Variants in AFAP1L2 observed in about 807,000 individuals in gnomAD.
AFAP1L2 encodes actin filament associated protein 1 like 2.
A neutral mutation model predicts 99.3 loss-of-function variants in AFAP1L2; 46 were observed. That is an observed-to-expected ratio of 0.46 (90% CI 0.37 to 0.59). The LOEUF is 0.59. AFAP1L2 is among the 20% of genes least tolerant of loss of function. AFAP1L2 has a pLI of 0.00. For synonymous variants in AFAP1L2, 397 were observed against 419.1 expected (o/e 0.95, Z 0.64); for missense variants, 959 against 1,034.9 (o/e 0.93, Z 1.01).
intron 10 of AFAP1L2, among the ~76,000 whole-genome samples, chr10:114,306,362 T>TCCAGGAGGGTAC: frequency 2.6e-5 from 1 of 38,658 alleles, no homozygotes; most frequent in Admixed American, 2.9e-4. Flanking sequence ...CAGGAGGGGA[T>TCCAGGAGGGTAC]GCGGGGGCAG....
intron 13 of AFAP1L2, 60 bp from the exon 14 acceptor site, chr10:114,300,750 G>T (rs901584769): frequency 9.8e-6 from 15 of 1,530,988 alleles, no homozygotes; most frequent in South Asian, 1.3e-5. Flanking sequence ...AGCTGTGGAG[G>T]GGGTACCAGC....
intron 10 of AFAP1L2, among the ~76,000 whole-genome samples, chr10:114,305,381 G>T (rs1412257216): frequency 5.5e-5 from 7 of 127,652 alleles, no homozygotes; most frequent in Non-Finnish European, 8.2e-5. Flanking sequence ...GCAGGAGAGA[G>T]CGGGGCTGCA....
intron 1 of AFAP1L2, among the ~76,000 whole-genome samples, chr10:114,380,614 A>G (rs1173487827): frequency 3.3e-5 from 5 of 152,244 alleles, no homozygotes; most frequent in Non-Finnish European, 5.9e-5. Flanking sequence ...GAGGGAACAT[A>G]TCATAAAGCC....
intron 2 of AFAP1L2, among the ~76,000 whole-genome samples, chr10:114,336,037 G>A (rs2047922852): frequency 6.6e-6 from 1 of 152,180 alleles, no homozygotes; most frequent in Non-Finnish European, 1.5e-5. Context: ...TTAAATGTTG[G>A]ATTCTGAGCA....
chr10:114,375,575 A>G (rs1290366322), intron 1 of AFAP1L2, among the ~76,000 whole-genome samples: 1 of 152,216 alleles, frequency 6.6e-6, no homozygotes, highest in Non-Finnish European at 1.5e-5. Context: ...GTTCAACATT[A>G]GCATTTCCTA....
the AFAP1L2 span, chr10:114,282,684 G>A: frequency 1.1e-6 from 1 of 898,734 alleles, no homozygotes; most frequent in African/African-American, 1.6e-5. Context: ...CTGGCTCCAG[G>A]GCAGAGGGAT....
Position 114,295,369 on chromosome 10 carries a change from G to C in AFAP1L2, c.*673C>G. ...CTTAAAATTTTATTTAAAGACAGTT[G>C]ATTCAGGCCTGCCTTGGACTGGAAA... is the stretch of plus-strand genomic sequence containing the variant. On this transcript the variant is annotated 3_prime_UTR_variant, in exon 19 of 19. Coordinates refer to ENST00000304129, the MANE Select transcript of AFAP1L2 (RefSeq NM_001001936.3). 1.0e-6 allele frequency: 1 copy of C among 985,590 alleles called. No homozygotes were observed. The highest frequency in any genetic ancestry group is 1.2e-6 in the Non-Finnish European group (1 of 829,726). The allele number at this position is 985,590 out of a possible 1,614,324, so 61.1% of individuals were successfully genotyped here.
intron 5 of AFAP1L2, among the ~76,000 whole-genome samples, chr10:114,322,399 T>C (rs948672886): frequency 7.9e-5 from 12 of 152,214 alleles, no homozygotes; most frequent in African/African-American, 2.9e-4. Context: ...GCTCCTGCCA[T>C]GCTGGCCTCC....
At chr10:114,289,175 AC>A in the AFAP1L2 span, 1 of 1,613,582 alleles carries the variant, frequency 6.2e-7, no homozygotes, top group South Asian at 1.1e-5. Flanking sequence ...CAGGCCCCCT[AC>A]CTAGGTGGGG....
intron 4 of AFAP1L2, among the ~76,000 whole-genome samples, chr10:114,330,525 A>G (rs2047081531): frequency 3.9e-5 from 6 of 152,186 alleles, no homozygotes; most frequent in Admixed American, 3.9e-4. Flanking sequence ...CTCACTGAAT[A>G]CTAGCACAGT....
At chr10:114,301,750 C>T (rs950566094) in intron 12 of AFAP1L2, 30 of 458,666 alleles carry the variant, frequency 6.5e-5, no homozygotes, top group African/African-American at 4.7e-4. Context: ...CCCCATTCCT[C>T]CCTTCTAGGA....
intron 1 of AFAP1L2, among the ~76,000 whole-genome samples, chr10:114,349,626 A>G (rs1196718093): frequency 2.0e-5 from 3 of 150,658 alleles, no homozygotes; most frequent in Admixed American, 1.3e-4. Flanking sequence ...CTATATGTTT[A>G]CATATCACTG....
Position 114,313,804 on chromosome 10 carries a change from A to G in AFAP1L2, c.792+67T>C, listed in dbSNP as rs1001021629. On this transcript the variant is annotated intron_variant, in intron 7 of 18. Coordinates refer to ENST00000304129, the MANE Select transcript of AFAP1L2 (RefSeq NM_001001936.3). The stretch of plus-strand genomic sequence containing the variant: ...TCCTCTACCCCTGACCCTATCATCC[A>G]TCCCTTTAGAAAAGCTGGGGGCCAC... 5.4e-6 allele frequency: 8 copies of G among 1,480,454 alleles called. No homozygotes were observed. The African/African-American group carries it at 9.7e-5, about 18-fold the overall frequency. 91.7% of individuals were successfully genotyped at this position (1,480,454 alleles called of 1,614,324 possible).
At chr10:114,298,407 C>T (rs2040593581) in intron 16 of AFAP1L2, among the ~76,000 whole-genome samples, 1 of 151,992 alleles carries the variant, frequency 6.6e-6, no homozygotes, top group African/African-American at 2.4e-5. Flanking sequence ...GACTTTGCAC[C>T]CTCAAGACCT....
chr10:114,392,014 G>A (rs1434292914), intron 1 of AFAP1L2, among the ~76,000 whole-genome samples: 1 of 152,174 alleles, frequency 6.6e-6, no homozygotes, highest in East Asian at 1.9e-4. Flanking sequence ...GACAGGTCCT[G>A]GTTCAGGGGT....
chr10:114,354,606 G>A (rs1356027154), intron 1 of AFAP1L2, among the ~76,000 whole-genome samples: 3 of 152,154 alleles, frequency 2.0e-5, no homozygotes, highest in Non-Finnish European at 4.4e-5. Context: ...ACTAATTCAA[G>A]CAAGACTGTT....
In AFAP1L2 at chr10:114,391,353, G is replaced by C. The variant is rs182490911; in HGVS notation, c.16+13087C>G. Among the ~76,000 whole-genome samples, 526 of 152,176 alleles carry C rather than the reference G, an allele frequency of 3.5e-3. 2 individuals carry two copies. Among genetic ancestry groups the C allele is most frequent in the African/African-American group, 0.012 (513 of 41,510 alleles). The stretch of plus-strand genomic sequence containing the variant: ...TCCTGCCTCCGCCTCCCAAGTAGCT[G>C]GGATTACAGGTGTCTGCCACTATAT... On this transcript the variant is annotated intron_variant, in intron 1 of 18. Coordinates refer to ENST00000304129, the MANE Select transcript of AFAP1L2 (RefSeq NM_001001936.3).
At chr10:114,387,793 G>A (rs1357165510) in intron 1 of AFAP1L2, among the ~76,000 whole-genome samples, 2 of 152,154 alleles carry the variant, frequency 1.3e-5, no homozygotes, top group Non-Finnish European at 2.9e-5. Context: ...CTGAACAGTG[G>A]GGGATGAAGC....
At chr10:114,325,915 A>G in intron 4 of AFAP1L2, 1 of 1,289,372 alleles carries the variant, frequency 7.8e-7, no homozygotes, top group Non-Finnish European at 1.0e-6. Flanking sequence ...AGTGGGTCCC[A>G]GGGCTCATCA....
Sources: allele counts gnomAD v4.1 joint callset (sites outside exome capture counted in the v4.1 genomes callset), GRCh38; gene constraint gnomAD v4.1.1; transcripts MANE v1.5; gene names NCBI Gene and HGNC (gene_info 2026-07-23, HGNC 2026-07-21).